The following PDE6A variants were observed in gnomAD, a reference collection of about 807,000 sequenced individuals.
PDE6A encodes the protein phosphodiesterase 6A, also known as rod cGMP-specific 3',5'-cyclic phosphodiesterase subunit alpha.
PDE6A carries 84 observed loss-of-function variants against 106.3 expected under a neutral mutation model. That is an observed-to-expected ratio of 0.79 (90% CI 0.66 to 0.95). The LOEUF (loss-of-function observed/expected upper bound fraction) is 0.95, where lower values mean the gene tolerates loss of function less well. Ranked by LOEUF, PDE6A falls within the 40% of genes least tolerant of loss-of-function variation. PDE6A has a pLI of 0.00. For synonymous variants in PDE6A, 394 were observed against 386.6 expected, an observed-to-expected ratio of 1.02 and a Z score of -0.23; for missense variants, 1,052 against 1,084.9, an observed-to-expected ratio of 0.97 and a Z score of 0.43.
intron 4 of PDE6A, among the ~76,000 whole-genome samples, chr5:149,926,917 G>T (rs572106988): frequency 6.8e-6 from 1 of 146,698 alleles, no homozygotes; most frequent in Non-Finnish European, 1.5e-5. Context: ...GGTGGAGGTT[G>T]CAATGAGCTG....
chr5:149,935,603 C>T (rs1206964529), intron 1 of PDE6A, among the ~76,000 whole-genome samples: 3 of 152,194 alleles, frequency 2.0e-5, no homozygotes, highest in Non-Finnish European at 4.4e-5. Flanking sequence ...GAGGAGCACA[C>T]ACCTCCATAA....
At chr5:149,938,962 T>C (rs1435548667) in intron 1 of PDE6A, among the ~76,000 whole-genome samples, 2 of 152,182 alleles carry the variant, frequency 1.3e-5, no homozygotes, top group Non-Finnish European at 2.9e-5. Context: ...TATCACTTTT[T>C]GGTGGTCCAG....
chr5:149,879,801 A>C (rs968778604), intron 17 of PDE6A, among the ~76,000 whole-genome samples: 2 of 152,120 alleles, frequency 1.3e-5, no homozygotes, highest in Non-Finnish European at 1.5e-5. Context: ...TATATGTGCC[A>C]CATTTCCTTA....
chr5:149,883,643 T>G (rs1761014454), intron 16 of PDE6A, 107 bp from the exon 17 acceptor site: 1 of 811,162 alleles, frequency 1.2e-6, no homozygotes. Context: ...TCAACAAAAT[T>G]CACAAAACAA....
chr5:149,890,324 C>A (rs1752500362), intron 13 of PDE6A, among the ~76,000 whole-genome samples: 1 of 152,058 alleles, frequency 6.6e-6, no homozygotes, highest in African/African-American at 2.4e-5. Flanking sequence ...TTCAGATGAA[C>A]CCTTAGAACA....
At chr5:149,897,230 A>T (rs968237665) in intron 10 of PDE6A, among the ~76,000 whole-genome samples, 1 of 152,246 alleles carries the variant, frequency 6.6e-6, no homozygotes, top group Admixed American at 6.5e-5. Context: ...CCTTGGACAT[A>T]GTCCTAGTTC....
chr5:149,923,559 ATAACATAACAT>A (rs1753791125), intron 4 of PDE6A, among the ~76,000 whole-genome samples: 1 of 116,620 alleles, frequency 8.6e-6, no homozygotes, highest in Non-Finnish European at 1.6e-5. Context: ...ATAACATAAC[ATAACATAACAT>A]AACATAACAA....
At chr5:149,912,308 T>C (rs1315484567) in intron 6 of PDE6A, among the ~76,000 whole-genome samples, 1 of 152,198 alleles carries the variant, frequency 6.6e-6, no homozygotes, top group African/African-American at 2.4e-5. Flanking sequence ...ACTTTTATTT[T>C]GCCTTCCTTT....
Position 149,859,465 on chromosome 5 carries a change from T to C in PDE6A, c.*1430A>G, listed in dbSNP as rs1760052887. The stretch of plus-strand genomic sequence containing the variant: ...TATTAAGCAGTGCCCTGGGGACCGA[T>C]GCTTGGGGAAGGGAAGGAAATAGGA... On this transcript the variant is annotated 3_prime_UTR_variant, in exon 22 of 22. Coordinates refer to ENST00000255266, the MANE Select transcript of PDE6A (RefSeq NM_000440.3). 6.6e-6 allele frequency: 1 copy of C among 152,252 alleles called. No homozygotes were observed. Among genetic ancestry groups the C allele is most frequent in the Non-Finnish European group, 1.5e-5 (1 of 68,106 alleles). The allele number at this position is 152,252 out of a possible 1,614,324, so 9.4% of individuals were successfully genotyped here.
chr5:149,894,435 C>A (rs1348294741), intron 13 of PDE6A, among the ~76,000 whole-genome samples: 1 of 151,978 alleles, frequency 6.6e-6, no homozygotes, highest in African/African-American at 2.4e-5. Context: ...GAATGGCAAA[C>A]TTTTCTATTT....
rs556780236 is a variant in PDE6A, at chr5:149,944,538, A to C, written c.136T>G (p.Phe46Val). 6.2e-7 allele frequency: 1 copy of C among 1,614,026 alleles called. No individual in the cohort carries two copies. Among genetic ancestry groups the C allele is most frequent in the African/African-American group, 1.3e-5 (1 of 74,998 alleles). ...CTGCTCGGGGAGTGGTAGTTGCTGA[A>C]GTCCACGGCAGCCTCCTTGGCCCCA... ...LLGAKEAAVD[F>V]SNYHSPSSME... Residue 46 changes from phenylalanine to valine, a missense_variant, in exon 1 of 22, where the codon TTC becomes GTC. By Grantham distance (50) the Phe-to-Val change is conservative. Coordinates refer to ENST00000255266, the MANE Select transcript of PDE6A (RefSeq NM_000440.3).
At chr5:149,927,276 T>A (rs535624381) in intron 4 of PDE6A, among the ~76,000 whole-genome samples, 24 of 152,312 alleles carry the variant, frequency 1.6e-4, no homozygotes, top group African/African-American at 5.5e-4. Flanking sequence ...TGAGAGTTGC[T>A]CTGCGTGAGT....
intron 17 of PDE6A, among the ~76,000 whole-genome samples, chr5:149,878,730 T>C (rs1760827777): frequency 6.6e-6 from 1 of 152,244 alleles, no homozygotes; most frequent in Non-Finnish European, 1.5e-5. Flanking sequence ...TATACCTCAT[T>C]GTAGTTTTAT....
chr5:149,939,609 T>G (rs921290245), intron 1 of PDE6A, among the ~76,000 whole-genome samples: 1 of 152,176 alleles, frequency 6.6e-6, no homozygotes, highest in African/African-American at 2.4e-5. Context: ...CCAAGAACAC[T>G]GCTGATGAGA....
chr5:149,879,271 CA>C (rs1760844755), intron 17 of PDE6A, among the ~76,000 whole-genome samples: 1 of 151,914 alleles, frequency 6.6e-6, no homozygotes, highest in South Asian at 2.1e-4. Flanking sequence ...GGCGTTTCAC[CA>C]TGTTGGCCAG....
In PDE6A at chr5:149,903,639, A is replaced by G. The variant is rs1426972288; in HGVS notation, c.1113+9T>C. Reference sequence around the variant, plus strand: ...ATATGACTAAGACTGCAAATAAAAAATGACTTACCTGAAATGCAAAAAAGT... The same window carrying G: ...ATATGACTAAGACTGCAAATAAAAAGTGACTTACCTGAAATGCAAAAAAGT... On this transcript the variant is annotated intron_variant, in intron 8 of 21. Transcript: ENST00000255266. The G allele has an allele frequency of 5.0e-6, 8 of 1,610,498 alleles. No homozygotes were observed. The highest frequency in any genetic ancestry group is 6.8e-6 in the Non-Finnish European group (8 of 1,176,820).
chr5:149,925,752 G>A (rs574405473), intron 4 of PDE6A, among the ~76,000 whole-genome samples: 16 of 147,772 alleles, frequency 1.1e-4, no homozygotes, highest in Admixed American at 2.7e-4. Context: ...AAGATGGATC[G>A]AAGAAATATT....
At chr5:149,876,498 G>T (rs150205950) in intron 17 of PDE6A, among the ~76,000 whole-genome samples, 4 of 151,762 alleles carry the variant, frequency 2.6e-5, no homozygotes, top group African/African-American at 9.7e-5. Flanking sequence ...GTGCACCACC[G>T]TACCTGGATA....
intron 14 of PDE6A, among the ~76,000 whole-genome samples, chr5:149,885,451 T>A (rs1561710128): frequency 6.6e-6 from 1 of 152,228 alleles, no homozygotes; most frequent in Non-Finnish European, 1.5e-5. Flanking sequence ...TCCAATGAGA[T>A]CATGGTTCAA....
Sources: allele counts gnomAD v4.1 joint callset (sites outside exome capture counted in the v4.1 genomes callset), GRCh38; gene constraint gnomAD v4.1.1; transcripts MANE v1.5; gene names NCBI Gene and HGNC (gene_info 2026-07-23, HGNC 2026-07-21).